The following MAPT variants were observed in gnomAD, a reference collection of about 807,000 sequenced individuals.
The protein encoded by MAPT is microtubule associated protein tau.
A neutral mutation model predicts 67.9 loss-of-function variants in MAPT; 34 were observed. The ratio of observed to expected loss-of-function variants is 0.50; its 90% CI spans 0.38 to 0.67. MAPT has a LOEUF of 0.67. Among genes scored for constraint, MAPT ranks in the 30% least tolerant of loss-of-function variants. MAPT has a pLI of 0.00. For missense variants in MAPT, 881 were observed against 1,115.2 expected, an observed-to-expected ratio of 0.79 and a Z score of 2.99; for synonymous variants, 456 against 464.5, an observed-to-expected ratio of 0.98 and a Z score of 0.23.
At chr17:46,006,513 A>G (rs1481166273) in intron 9 of MAPT, among the ~76,000 whole-genome samples, 3 of 152,182 alleles carry the variant, frequency 2.0e-5, no homozygotes, top group Non-Finnish European at 4.4e-5. Flanking sequence ...CTAGTATTGG[A>G]TAGCACAGCA....
rs200698446 is a variant in MAPT at position 45,915,324 on chromosome 17, AGT to A, written c.-18+20648_-18+20649del. ...TGAGCGTGTGTGAGTCTGTGTGTGTAGTGTGTGTGTGAAGTATGTGGTGTGTA... is the reference window on the plus strand; with the variant it reads ...TGAGCGTGTGTGAGTCTGTGTGTGTAGTGTGTGTGAAGTATGTGGTGTGTA... On this transcript the variant is annotated intron_variant, in intron 1 of 12. Transcript: ENST00000262410. This position sits in a 1 kb window ranked among gnomAD's most constrained non-coding sequence, Gnocchi z 4.4. Among the ~76,000 whole-genome samples, 2 of 140,112 alleles carry A rather than the reference AGT, an allele frequency of 1.4e-5. No individual in the cohort carries two copies. The highest frequency in any genetic ancestry group is 7.1e-5 in the Admixed American group (1 of 14,056). 91.9% of individuals were successfully genotyped at this position (140,112 alleles called of 152,430 possible).
At chr17:45,985,862 T>C in intron 5 of MAPT, 1 of 258,626 alleles carries the variant, frequency 3.9e-6, no homozygotes, top group Non-Finnish European at 6.0e-6. Context: ...TTCTGCCACA[T>C]AGTATAGTTG....
At chr17:46,016,931 G>C (rs1350932123) in intron 11 of MAPT, among the ~76,000 whole-genome samples, 1 of 152,146 alleles carries the variant, frequency 6.6e-6, no homozygotes, top group Non-Finnish European at 1.5e-5. Context: ...CATATCGGAC[G>C]ACACAGCTAT....
At chr17:45,934,829 C>T (rs2067172879) in intron 1 of MAPT, among the ~76,000 whole-genome samples, 1 of 152,190 alleles carries the variant, frequency 6.6e-6, no homozygotes. Flanking sequence ...AAAGTGGAAT[C>T]ATCTTTTCCT....
chr17:45,954,370 T>C (rs1389179526), intron 1 of MAPT, among the ~76,000 whole-genome samples: 1 of 152,144 alleles, frequency 6.6e-6, no homozygotes, highest in Non-Finnish European at 1.5e-5. Flanking sequence ...GACCTTAACC[T>C]CAGCAATTTG....
intron 1 of MAPT, among the ~76,000 whole-genome samples, chr17:45,961,549 G>A (rs2070411633): frequency 6.6e-6 from 1 of 152,212 alleles, no homozygotes; most frequent in African/African-American, 2.4e-5. Context: ...TTTGCTGCCA[G>A]TTGACATCTG....
Position 45,995,937 on chromosome 17 carries a change from G to T in MAPT, c.1733-462G>T, listed in dbSNP as rs1053099951. Among the ~76,000 whole-genome samples, 17 of 152,158 alleles carry T rather than the reference G, an allele frequency of 1.1e-4. No homozygotes were observed. Among genetic ancestry groups the T allele is most frequent in the African/African-American group, 4.1e-4 (17 of 41,412 alleles). ...TGCATCACCCTTATTTAGGATAAAG[G>T]CCCTGAAGAATTGTATTAGAGGTTG... On this transcript the variant is annotated intron_variant, in intron 8 of 12. Coordinates refer to ENST00000262410, the MANE Select transcript of MAPT (RefSeq NM_001377265.1). This position sits in a 1 kb window ranked among gnomAD's most constrained non-coding sequence, Gnocchi z 4.3.
intron 1 of MAPT, among the ~76,000 whole-genome samples, chr17:45,918,843 A>C (rs2144336969): frequency 6.6e-6 from 1 of 152,266 alleles, no homozygotes; most frequent in African/African-American, 2.4e-5. Context: ...GGATCACTTG[A>C]GGTCAGGAAT....
intron 1 of MAPT, among the ~76,000 whole-genome samples, chr17:45,946,620 A>ATATG (rs1203277071): frequency 1.6e-4 from 10 of 62,502 alleles, no homozygotes; most frequent in African/African-American, 5.0e-4. Context: ...AAAAAAATAT[A>ATATG]TATATATATA....
At chr17:46,019,594 C>T (rs1001225883) in intron 12 of MAPT, among the ~76,000 whole-genome samples, 9 of 151,832 alleles carry the variant, frequency 5.9e-5, no homozygotes, top group Non-Finnish European at 1.0e-4. Flanking sequence ...GTCTTGAACT[C>T]CTGAGGTCAA....
At chr17:46,004,133 C>T (rs1240571167) in intron 9 of MAPT, among the ~76,000 whole-genome samples, 1 of 152,156 alleles carries the variant, frequency 6.6e-6, no homozygotes, top group Non-Finnish European at 1.5e-5. Flanking sequence ...GCACAGCGAG[C>T]ACCAGGCAGT....
intron 1 of MAPT, among the ~76,000 whole-genome samples, chr17:45,926,666 C>T (rs2066321507): frequency 6.6e-6 from 1 of 152,106 alleles, no homozygotes; most frequent in Admixed American, 6.6e-5. Context: ...GAGAAATTCA[C>T]ATATGGACTT....
At chr17:45,963,324 G>C (rs1236934029) in intron 2 of MAPT, among the ~76,000 whole-genome samples, 1 of 152,106 alleles carries the variant, frequency 6.6e-6, no homozygotes, top group East Asian at 1.9e-4. Context: ...CATGGTTGGG[G>C]ACCCCACAGA....
At chr17:46,014,784 A>G (rs146674965) in intron 11 of MAPT, among the ~76,000 whole-genome samples, 5,046 of 151,726 alleles carry the variant, frequency 0.033, 113 homozygotes, top group Non-Finnish European at 0.055. Flanking sequence ...TGAGGCAGGA[A>G]AATGGCGTGA....
chr17:45,981,338 G>A (rs1361043965), intron 4 of MAPT, among the ~76,000 whole-genome samples: 6 of 151,536 alleles, frequency 4.0e-5, no homozygotes, highest in Non-Finnish European at 4.4e-5. Flanking sequence ...TTTATTAGGA[G>A]AACCAAGGAG....
rs572059159 is a variant in MAPT at position 45,996,726 on chromosome 17, C to T, written c.1998+62C>T. 1.3e-6 allele frequency: 2 copies of T among 1,593,914 alleles called. No individual in the cohort carries two copies. The highest frequency in any genetic ancestry group is 1.3e-5 in the African/African-American group (1 of 74,344). The stretch of plus-strand genomic sequence containing the variant: ...CTGCGCCTGGAGGGGTAGGGCTGTG[C>T]CTGGAAGGGTAGGGCTGCGCCTGGA... On this transcript the variant is annotated intron_variant, in intron 9 of 12. Coordinates refer to ENST00000262410, the MANE Select transcript of MAPT (RefSeq NM_001377265.1). The surrounding 1 kb of genome is among the most constrained non-coding windows in gnomAD (Gnocchi z 4.5).
intron 1 of MAPT, among the ~76,000 whole-genome samples, chr17:45,947,505 A>G (rs1448644325): frequency 6.7e-6 from 1 of 149,234 alleles, no homozygotes; most frequent in East Asian, 2.0e-4. Context: ...CTCCTGCCTC[A>G]GCCTCCCCAG....
intron 1 of MAPT, among the ~76,000 whole-genome samples, chr17:45,930,969 C>T (rs560329093): frequency 2.0e-5 from 3 of 152,262 alleles, no homozygotes; most frequent in South Asian, 2.1e-4. Context: ...TGTCACATCC[C>T]GGCCCCAAGA....
At chr17:45,991,629 C>T (rs1291754952) in intron 8 of MAPT, 43 bp downstream of exon 8, 2 of 1,613,870 alleles carry the variant, frequency 1.2e-6, no homozygotes, top group Non-Finnish European at 8.5e-7. Flanking sequence ...AGCTGAAGCT[C>T]TCAGAGGTAC....
Sources: gnomAD v4.1 joint callset for allele counts (sites outside exome capture counted in the v4.1 genomes callset) on GRCh38, gnomAD v4.1.1 for gene constraint, Gnocchi (gnomAD v3.1) non-coding constraint, MANE v1.5 for transcripts, NCBI Gene and HGNC (gene_info 2026-07-23, HGNC 2026-07-21) for gene names.